MACROD2: variants seen among roughly 807,000 people sequenced by gnomAD.
MACROD2 encodes mono-ADP ribosylhydrolase 2.
MACROD2 carries 36 observed loss-of-function variants against 70.4 expected under a neutral mutation model. The ratio of observed to expected loss-of-function variants is 0.51; its 90% CI spans 0.39 to 0.68. MACROD2 has a LOEUF of 0.68. Among genes scored for constraint, MACROD2 ranks in the 30% least tolerant of loss-of-function variants. The pLI is 0.00. For missense variants in MACROD2, 496 were observed against 538.4 expected (o/e 0.92, Z 0.78); for synonymous variants, 172 against 178.8 (o/e 0.96, Z 0.30).
rs996217577 is a variant in MACROD2, at chr20:15,479,364, C to T, written c.572-20410C>T. ...CTCGGCTCACTGCAAGCTCCGCCTC[C>T]CGGGTTCACGCCATTCTCCTGCCTC... On this transcript the variant is annotated intron_variant, in intron 7 of 17. Coordinates refer to ENST00000684519, the MANE Select transcript of MACROD2 (RefSeq NM_001351661.2). 1.9e-3 allele frequency among the ~76,000 whole-genome samples: 278 copies of T among 149,230 alleles called. 1 individual carries two copies. The highest frequency in any genetic ancestry group is 6.6e-3 in the African/African-American group (267 of 40,386).
At chr20:14,787,299 C>A in intron 5 of MACROD2, among the ~76,000 whole-genome samples, 1 of 149,994 alleles carries the variant, frequency 6.7e-6, no homozygotes, top group Non-Finnish European at 1.5e-5. Context: ...TATATTGTAA[C>A]GTGTGAAAAA....
At chr20:14,533,004 C>A (rs1331879714) in intron 4 of MACROD2, among the ~76,000 whole-genome samples, 3 of 152,058 alleles carry the variant, frequency 2.0e-5, no homozygotes, top group Non-Finnish European at 4.4e-5. Flanking sequence ...GCAACTAGGC[C>A]CATACCAGAC....
intron 15 of MACROD2, among the ~76,000 whole-genome samples, chr20:16,034,882 C>T (rs2067201985): frequency 6.6e-6 from 1 of 151,320 alleles, no homozygotes. Flanking sequence ...CATAGCTTAG[C>T]TCCCACATAT....
At chr20:14,328,941 T>G (rs1421571838) in intron 3 of MACROD2, 2 of 152,106 alleles carry the variant, frequency 1.3e-5, no homozygotes, top group African/African-American at 2.4e-5. Context: ...TTGCCCTCTT[T>G]GAAATTCTTA....
At chr20:15,785,267 G>GCAAAA (rs1021119074) in intron 8 of MACROD2, among the ~76,000 whole-genome samples, 1 of 151,862 alleles carries the variant, frequency 6.6e-6, no homozygotes, top group African/African-American at 2.4e-5. Flanking sequence ...CAAGTTCCAA[G>GCAAAA]CAAAACAAAA....
intron 4 of MACROD2, among the ~76,000 whole-genome samples, chr20:14,653,577 C>T (rs62202937): frequency 0.18 from 27,094 of 150,982 alleles, 3,087 homozygotes; most frequent in Non-Finnish European, 0.25. Context: ...GCTGGTTTCA[C>T]ACTCCTTGCC....
chr20:15,190,867 T>C (rs1263424010), intron 5 of MACROD2, among the ~76,000 whole-genome samples: 1 of 152,152 alleles, frequency 6.6e-6, no homozygotes, highest in Non-Finnish European at 1.5e-5. Flanking sequence ...GAAAGAACTA[T>C]TGACCCCTCA....
chr20:14,085,434 GTGTT>G (rs1206229185), intron 2 of MACROD2, among the ~76,000 whole-genome samples, 183 bp from the exon 3 acceptor site: 46 of 152,142 alleles, frequency 3.0e-4, no homozygotes, highest in African/African-American at 8.4e-4. Flanking sequence ...ATGTGATAGT[GTGTT>G]TGTTTTGAGA....
intron 7 of MACROD2, among the ~76,000 whole-genome samples, chr20:15,470,083 T>C (rs563504770): frequency 6.6e-6 from 1 of 152,272 alleles, no homozygotes; most frequent in Non-Finnish European, 1.5e-5. Flanking sequence ...AGAGTCTTGC[T>C]CTGTCACCCA....
chr20:15,581,876 C>A (rs895194790), intron 8 of MACROD2, among the ~76,000 whole-genome samples: 4 of 152,176 alleles, frequency 2.6e-5, no homozygotes, highest in Non-Finnish European at 5.9e-5. Context: ...AATCCCAGCA[C>A]TTTGGGAGGC....
intron 5 of MACROD2, among the ~76,000 whole-genome samples, chr20:14,776,901 A>T (rs1305873267): frequency 6.6e-6 from 1 of 152,098 alleles, no homozygotes; most frequent in Non-Finnish European, 1.5e-5. Context: ...AAATAAATAG[A>T]GCCATATACT....
intron 8 of MACROD2, among the ~76,000 whole-genome samples, chr20:15,705,882 G>A (rs1000589093): frequency 6.6e-6 from 1 of 152,048 alleles, no homozygotes; most frequent in African/African-American, 2.4e-5. Context: ...TTCCATAAAT[G>A]AATATGGTTT....
At chr20:15,679,351 G>A (rs1156772787) in intron 8 of MACROD2, among the ~76,000 whole-genome samples, 1 of 152,150 alleles carries the variant, frequency 6.6e-6, no homozygotes, top group South Asian at 2.1e-4. Flanking sequence ...GGGTGGTCAG[G>A]GAAGGAGTGC....
At chr20:15,231,773 G>A (rs777727373) in intron 6 of MACROD2, among the ~76,000 whole-genome samples, 29 of 152,108 alleles carry the variant, frequency 1.9e-4, no homozygotes, top group Non-Finnish European at 3.4e-4. Flanking sequence ...CTGAAGTAAT[G>A]CTCCTGTAAT....
Position 15,786,612 on chromosome 20 carries a change from T to C in MACROD2, c.646-76133T>C, listed in dbSNP as rs59239072. On this transcript the variant is annotated intron_variant, in intron 8 of 17. Transcript: ENST00000684519. ...GAATAGAAAGTCAAATAACAAATTA[T>C]CTCACATATGCAAGAACTGAGGGAC... Among the ~76,000 whole-genome samples, 261 of 152,292 alleles carry C rather than the reference T, an allele frequency of 1.7e-3. 1 individual carries two copies. In the East Asian group the frequency reaches 0.036, roughly 21 times the overall value.
chr20:15,871,207 A>G (rs1363385330), intron 9 of MACROD2, among the ~76,000 whole-genome samples: 2 of 151,684 alleles, frequency 1.3e-5, no homozygotes, highest in East Asian at 3.9e-4. Flanking sequence ...TAAAATTAAC[A>G]TTTAAAGTTC....
At chr20:16,025,147 A>G (rs894104416) in intron 15 of MACROD2, among the ~76,000 whole-genome samples, 21 of 152,186 alleles carry the variant, frequency 1.4e-4, no homozygotes, top group Non-Finnish European at 2.9e-4. Context: ...ATTTTTTTCT[A>G]TGATAGGGAA....
chr20:14,476,714 A>G (rs2084599403), intron 3 of MACROD2, among the ~76,000 whole-genome samples: 1 of 152,264 alleles, frequency 6.6e-6, no homozygotes, highest in East Asian at 1.9e-4. Context: ...TCTGCCACTA[A>G]CCTGGTGGGC....
intron 4 of MACROD2, among the ~76,000 whole-genome samples, chr20:14,591,366 C>T (rs1981758240): frequency 6.6e-6 from 1 of 152,186 alleles, no homozygotes. Context: ...TATATATCAA[C>T]TTTATTTGCT....
Sources: allele counts gnomAD v4.1 joint callset (sites outside exome capture counted in the v4.1 genomes callset), GRCh38; gene constraint gnomAD v4.1.1; transcripts MANE v1.5; gene names NCBI Gene and HGNC (gene_info 2026-07-23, HGNC 2026-07-21).